The following CHRM2 variants were observed in gnomAD, a reference collection of about 807,000 sequenced individuals.
CHRM2 encodes muscarinic acetylcholine receptor M2.
Under a neutral mutation model 25.0 loss-of-function variants are expected in CHRM2, and 8 were observed. The observed-to-expected ratio is 0.32, with a 90% CI of 0.19 to 0.58. CHRM2 has a LOEUF of 0.58. CHRM2 is among the 20% of genes least tolerant of loss of function. CHRM2 has a pLI of 0.88. For missense variants in CHRM2, 440 were observed against 567.1 expected, an observed-to-expected ratio of 0.78 and a Z score of 2.28; for synonymous variants, 202 against 205.7, an observed-to-expected ratio of 0.98 and a Z score of 0.15.
intron 2 of CHRM2, among the ~76,000 whole-genome samples, chr7:136,933,215 CAGCTTACTAAAGAA>C (rs1370410909): frequency 6.6e-6 from 1 of 152,094 alleles, no homozygotes; most frequent in African/African-American, 2.4e-5. Flanking sequence ...GAAACTCTTA[CAGCTTACTAAAGAA>C]AAGTAATCCA....
intron 2 of CHRM2, among the ~76,000 whole-genome samples, chr7:136,884,104 T>C (rs1023012692): frequency 6.6e-6 from 1 of 152,166 alleles, no homozygotes; most frequent in African/African-American, 2.4e-5. Flanking sequence ...ATCTTGCAAC[T>C]TTACATGATT....
intron 2 of CHRM2, among the ~76,000 whole-genome samples, chr7:136,889,614 T>C (rs1255889877): frequency 2.0e-5 from 3 of 152,200 alleles, no homozygotes; most frequent in African/African-American, 7.2e-5. Flanking sequence ...AAATGTGTAA[T>C]ACCAATGCCT....
At chr7:136,870,801 G>A (rs1795796670) in intron 2 of CHRM2, 1 of 152,278 alleles carries the variant, frequency 6.6e-6, no homozygotes, top group Admixed American at 6.5e-5. Context: ...CGGCCACCCA[G>A]GGCTCCAAGT....
At chr7:136,902,889 G>T (rs1797307590) in intron 2 of CHRM2, 1 of 328,868 alleles carries the variant, frequency 3.0e-6, no homozygotes, top group Non-Finnish European at 5.9e-6. Context: ...GTACTCTTTG[G>T]ATGTTTATGA....
chr7:136,985,150 G>A (rs1183763506), intron 2 of CHRM2, among the ~76,000 whole-genome samples: 2 of 152,266 alleles, frequency 1.3e-5, no homozygotes, highest in East Asian at 3.9e-4. Flanking sequence ...GGTAAAAGCT[G>A]CACATGTGAG....
At chr7:136,919,270 C>T (rs1388294041) in intron 2 of CHRM2, among the ~76,000 whole-genome samples, 1 of 152,016 alleles carries the variant, frequency 6.6e-6, no homozygotes, top group Non-Finnish European at 1.5e-5. Context: ...TTCTTAAATA[C>T]GACCATACTA....
intron 2 of CHRM2, among the ~76,000 whole-genome samples, chr7:136,940,257 T>C (rs1799686365): frequency 6.6e-6 from 1 of 152,246 alleles, no homozygotes; most frequent in Non-Finnish European, 1.5e-5. Context: ...GTGATTCAGA[T>C]GCTGTAAAGC....
At chr7:136,938,331 C>G in intron 2 of CHRM2, 4 of 1,504,786 alleles carry the variant, frequency 2.7e-6, no homozygotes, top group Non-Finnish European at 3.7e-6. Context: ...CCATGTTGCT[C>G]CGAGTCGTCG....
At chr7:136,983,938 A>G (rs1236921459) in intron 2 of CHRM2, among the ~76,000 whole-genome samples, 1 of 152,168 alleles carries the variant, frequency 6.6e-6, no homozygotes, top group Non-Finnish European at 1.5e-5. Flanking sequence ...TTGAGGAGGT[A>G]GTCTGTCCCT....
At chr7:136,878,006 G>A (rs1584685765) in intron 2 of CHRM2, among the ~76,000 whole-genome samples, 1 of 151,894 alleles carries the variant, frequency 6.6e-6, no homozygotes, top group Non-Finnish European at 1.5e-5. Flanking sequence ...AATTTGATTG[G>A]TAGAGGAAAA....
At chr7:137,012,705 G>A (rs902045948) in intron 3 of CHRM2, among the ~76,000 whole-genome samples, 14 of 151,728 alleles carry the variant, frequency 9.2e-5, no homozygotes, top group Admixed American at 3.9e-4. Context: ...AATATATCTC[G>A]GGATTTTTTT....
At chr7:136,919,511 G>A (rs140183747) in intron 2 of CHRM2, among the ~76,000 whole-genome samples, 7 of 152,156 alleles carry the variant, frequency 4.6e-5, no homozygotes, top group African/African-American at 1.7e-4. Context: ...TTGTTCTCCT[G>A]TTTAGAATTC....
intron 2 of CHRM2, among the ~76,000 whole-genome samples, chr7:136,945,754 T>C (rs1396955766): frequency 6.6e-6 from 1 of 152,080 alleles, no homozygotes; most frequent in Admixed American, 6.6e-5. Flanking sequence ...CTGGAGGCAT[T>C]CTCACCTCAA....
At chr7:136,995,875 A>T (rs1039015175) in intron 3 of CHRM2, among the ~76,000 whole-genome samples, 183 of 152,084 alleles carry the variant, frequency 1.2e-3, no homozygotes, top group African/African-American at 3.8e-3. Context: ...AATAAAGATA[A>T]TTAAAAATAA....
rs188533442 is a variant in CHRM2 at position 136,948,319 on chromosome 7, G to A, written c.-124-43868G>A. On this transcript the variant is annotated intron_variant, in intron 2 of 3. Transcript: ENST00000680005. ...ATGTTGGAAGAAAGAAAGGTGGTGA[G>A]CTGGAAAACTAAATTGAAGTCATAA... 5.9e-5 allele frequency among the ~76,000 whole-genome samples: 9 copies of A among 152,262 alleles called. 1 individual carries two copies. In the East Asian group the frequency reaches 1.7e-3, roughly 29 times the overall value.
At chr7:136,879,823 T>C (rs1251811974) in intron 2 of CHRM2, among the ~76,000 whole-genome samples, 1 of 151,962 alleles carries the variant, frequency 6.6e-6, no homozygotes, top group Non-Finnish European at 1.5e-5. Flanking sequence ...ATTTATCATC[T>C]AGCATTAGGA....
At chr7:136,936,864 G>T (rs889423666) in intron 2 of CHRM2, among the ~76,000 whole-genome samples, 1 of 152,030 alleles carries the variant, frequency 6.6e-6, no homozygotes, top group Non-Finnish European at 1.5e-5. Flanking sequence ...TAGTTGAAAA[G>T]ACTCTAAATT....
chr7:136,928,451 T>C (rs1350726759), intron 2 of CHRM2, among the ~76,000 whole-genome samples: 1 of 152,206 alleles, frequency 6.6e-6, no homozygotes, highest in Non-Finnish European at 1.5e-5. Flanking sequence ...GGTTTGCACA[T>C]TGTATACTAT....
chr7:137,000,186 TTTTC>T (rs1803892310), intron 3 of CHRM2, among the ~76,000 whole-genome samples: 1 of 136,300 alleles, frequency 7.3e-6, no homozygotes, highest in Admixed American at 8.8e-5. Context: ...TCATAATTCT[TTTTC>T]TTTCTTTTTT....
Sources: gnomAD v4.1 joint callset for allele counts (sites outside exome capture counted in the v4.1 genomes callset) on GRCh38, gnomAD v4.1.1 for gene constraint, MANE v1.5 for transcripts, NCBI Gene and HGNC (gene_info 2026-07-23, HGNC 2026-07-21) for gene names.